Variants in SHANK2 observed in about 807,000 individuals in gnomAD.
SHANK2 encodes the protein SH3 and multiple ankyrin repeat domains 2.
SHANK2 carries 43 observed loss-of-function variants against 133.7 expected under a neutral mutation model. The observed-to-expected ratio is 0.32, with a 90% confidence interval of 0.25 to 0.41. SHANK2 has a LOEUF of 0.41. SHANK2 is among the 10% of genes least tolerant of loss of function. The pLI is 1.00. For missense variants in SHANK2, 1,994 were observed against 2,235.8 expected (o/e 0.89, Z 2.18); for synonymous variants, 1,017 against 952.8 (o/e 1.07, Z -1.24).
In SHANK2 at chr11:70,485,781, G is replaced by A. The variant is rs782438906; in HGVS notation, c.4512C>T (p.Leu1504=). 17 of 1,613,850 alleles carry A rather than the reference G, an allele frequency of 1.1e-5. No individual in the cohort carries two copies. Among genetic ancestry groups the A allele is most frequent in the South Asian group, 5.5e-5 (5 of 91,074 alleles). ...VDSRSSSDHH[L]ETTSTISTVS... ...CGGTGGAGATAGTGCTGGTCGTCTC[G>A]AGGTGGTGGTCGCTGCTACTCCGGC... is the stretch of plus-strand genomic sequence containing the variant. The change falls in exon 25 of 26, where the codon CTC becomes CTT. Residue 1504 remains leucine (L), a synonymous_variant. Transcript: ENST00000601538. This position sits in a 1 kb window ranked among gnomAD's most constrained non-coding sequence, Gnocchi z 5.8.
intron 14 of SHANK2, among the ~76,000 whole-genome samples, chr11:70,734,018 C>T (rs548441359): frequency 6.6e-6 from 1 of 152,246 alleles, no homozygotes; most frequent in South Asian, 2.1e-4. Flanking sequence ...TCATGGAAGA[C>T]AGGGGAGGGT....
chr11:71,136,866 C>CT (rs1175530742), intron 3 of SHANK2, among the ~76,000 whole-genome samples: 1 of 152,148 alleles, frequency 6.6e-6, no homozygotes, highest in Admixed American at 6.5e-5. Flanking sequence ...AAATGGTATT[C>CT]TTTTTTATTT....
chr11:70,671,727 C>T (rs1486305476), intron 15 of SHANK2, among the ~76,000 whole-genome samples: 7 of 152,206 alleles, frequency 4.6e-5, no homozygotes, highest in Non-Finnish European at 5.9e-5. Context: ...CAGAGGTGGG[C>T]GGGTCTCTGC....
chr11:71,093,502 C>T (rs940441753), intron 7 of SHANK2, among the ~76,000 whole-genome samples: 38 of 152,118 alleles, frequency 2.5e-4, no homozygotes, highest in South Asian at 6.2e-4. Flanking sequence ...CTTAACACCA[C>T]CCACTCAGTG....
At chr11:70,587,694 T>C (rs2136252040) in intron 17 of SHANK2, among the ~76,000 whole-genome samples, 1 of 135,172 alleles carries the variant, frequency 7.4e-6, no homozygotes, top group East Asian at 2.3e-4. Context: ...GTTGAGCACG[T>C]CCAGTTTTTT....
intron 17 of SHANK2, among the ~76,000 whole-genome samples, chr11:70,530,242 G>T (rs61885889): frequency 1.4e-4 from 21 of 152,300 alleles, no homozygotes; most frequent in Non-Finnish European, 2.9e-4. Flanking sequence ...GAGGAGGCCG[G>T]GCACCGTGGC....
chr11:70,920,296 G>A (rs1373994461), intron 10 of SHANK2, among the ~76,000 whole-genome samples: 2 of 152,144 alleles, frequency 1.3e-5, no homozygotes, highest in Admixed American at 1.3e-4. Flanking sequence ...ATCTTGCTAT[G>A]TTGCCCAGGC....
intron 17 of SHANK2, among the ~76,000 whole-genome samples, chr11:70,584,775 CCT>C (rs1355116019): frequency 6.6e-6 from 1 of 152,212 alleles, no homozygotes; most frequent in African/African-American, 2.4e-5. Flanking sequence ...CAGCTGTCCC[CCT>C]GATCCGTTGG....
chr11:70,838,392 G>A (rs781998359), intron 11 of SHANK2, among the ~76,000 whole-genome samples: 15 of 152,146 alleles, frequency 9.9e-5, no homozygotes, highest in Non-Finnish European at 1.6e-4. Context: ...ATTCTATGCT[G>A]GTCATTGTGT....
chr11:70,558,246 C>T (rs930521486), intron 17 of SHANK2, among the ~76,000 whole-genome samples: 4 of 152,224 alleles, frequency 2.6e-5, no homozygotes, highest in Non-Finnish European at 2.9e-5. Context: ...TCGGTAGGAG[C>T]GTCAGGCCAT....
intron 17 of SHANK2, among the ~76,000 whole-genome samples, chr11:70,522,563 C>G (rs782472208): frequency 9.2e-5 from 14 of 152,198 alleles, no homozygotes; most frequent in Non-Finnish European, 1.8e-4. Context: ...TGGTGGTACC[C>G]CCTCTATCGT....
chr11:70,791,455 T>C (rs1555047985), intron 14 of SHANK2, among the ~76,000 whole-genome samples: 1 of 152,222 alleles, frequency 6.6e-6, no homozygotes. Context: ...GGCTGATGCA[T>C]GCAAAGAAGT....
chr11:71,250,116 C>G (rs1257158582), intron 1 of SHANK2, among the ~76,000 whole-genome samples: 4 of 128,366 alleles, frequency 3.1e-5, no homozygotes, highest in Non-Finnish European at 4.9e-5. Flanking sequence ...GACCGCCCCC[C>G]TCCCCGGGGG....
intron 17 of SHANK2, among the ~76,000 whole-genome samples, chr11:70,510,417 G>A (rs1169689319): frequency 6.6e-6 from 1 of 152,206 alleles, no homozygotes; most frequent in East Asian, 1.9e-4. Context: ...TTGTAGCAGA[G>A]CTTTTGCCCT....
At chr11:70,908,114 A>C (rs1555078332) in intron 10 of SHANK2, 1 of 268,114 alleles carries the variant, frequency 3.7e-6, no homozygotes, top group South Asian at 3.6e-5. Flanking sequence ...AGAAAAAAAA[A>C]ATCTTAATAA....
chr11:70,602,780 G>A (rs1554991326), intron 17 of SHANK2, among the ~76,000 whole-genome samples: 3 of 152,172 alleles, frequency 2.0e-5, no homozygotes, highest in Admixed American at 2.0e-4. Flanking sequence ...TTATTTTATA[G>A]TATAAATTGT....
chr11:70,790,344 T>C (rs1947762223), intron 14 of SHANK2, among the ~76,000 whole-genome samples: 1 of 152,138 alleles, frequency 6.6e-6, no homozygotes, highest in South Asian at 2.1e-4. Context: ...ATAAAGAGGG[T>C]CAGCTTTATG....
intron 17 of SHANK2, among the ~76,000 whole-genome samples, chr11:70,503,511 C>T (rs2059091397): frequency 6.6e-6 from 1 of 152,252 alleles, no homozygotes; most frequent in Non-Finnish European, 1.5e-5. Flanking sequence ...CAGCAGGGTG[C>T]TTACAAGAGT....
intron 17 of SHANK2, among the ~76,000 whole-genome samples, chr11:70,545,338 C>A (rs1284032981): frequency 6.6e-6 from 1 of 152,242 alleles, no homozygotes; most frequent in Non-Finnish European, 1.5e-5. Flanking sequence ...GAGACATTCA[C>A]GGCCCCTGAC....
Sources: gnomAD v4.1 joint callset for allele counts (sites outside exome capture counted in the v4.1 genomes callset) on GRCh38, gnomAD v4.1.1 for gene constraint, Gnocchi (gnomAD v3.1) non-coding constraint, MANE v1.5 for transcripts, NCBI Gene and HGNC (gene_info 2026-07-23, HGNC 2026-07-21) for gene names.